SPPL3: variants seen among roughly 807,000 people sequenced by gnomAD.
SPPL3 encodes signal peptide peptidase-like 3.
A neutral mutation model predicts 42.4 loss-of-function variants in SPPL3; 5 were observed. The observed-to-expected ratio is 0.12, with a 90% CI of 0.06 to 0.25. The LOEUF (loss-of-function observed/expected upper bound fraction) is 0.25, where lower values mean the gene tolerates loss of function less well. Among genes scored for constraint, SPPL3 ranks in the 10% least tolerant of loss-of-function variants. The pLI is 1.00. For synonymous variants in SPPL3, 195 were observed against 181.8 expected, an observed-to-expected ratio of 1.07 and a Z score of -0.58; for missense variants, 235 against 489.0, an observed-to-expected ratio of 0.48 and a Z score of 4.90.
chr12:120,901,865 G>A (rs1873995643), intron 1 of SPPL3: 1 of 984,200 alleles, frequency 1.0e-6, no homozygotes, highest in Non-Finnish European at 1.2e-6. Context: ...GAGGTCGTGT[G>A]TGTCCAACCT....
intron 1 of SPPL3, among the ~76,000 whole-genome samples, chr12:120,823,564 G>A (rs1352805732): frequency 6.6e-6 from 1 of 152,112 alleles, no homozygotes. Flanking sequence ...CTCTGGCTCC[G>A]TATTTTCTCC....
Position 120,903,946 on chromosome 12 carries a change from G to A in SPPL3, c.-79C>T, listed in dbSNP as rs1874072928. On this transcript the variant is annotated 5_prime_UTR_variant, in exon 1 of 11. Coordinates refer to ENST00000353487, the MANE Select transcript of SPPL3 (RefSeq NM_139015.5). ...GGGCTCGCTCGGGCCGTAGCTGAAG[G>A]CGCGGCCGGGGTCCGGTGCTTGCTT... The A allele has an allele frequency of 5.7e-6, 7 of 1,219,558 alleles. No individual in the cohort carries two copies. The highest frequency in any genetic ancestry group is 6.3e-6 in the Non-Finnish European group (6 of 958,950). 75.5% of individuals were successfully genotyped at this position (1,219,558 alleles called of 1,614,324 possible). A position where few individuals can be genotyped will look rare whatever the true frequency, so the allele number is the denominator to read the frequency against.
Position 120,817,471 on chromosome 12 carries a change from C to T in SPPL3, c.24-6585G>A, listed in dbSNP as rs1193059711. On this transcript the variant is annotated intron_variant, in intron 1 of 10. Transcript: ENST00000353487. ...TTGGTATTTTCCTCTTTTAATCACC[C>T]AATATTTACAGATTTAAAAATGGCT... Among the ~76,000 whole-genome samples the T allele has an allele frequency of 2.0e-5, 3 of 152,108 alleles. No homozygotes were observed. The East Asian group carries it at 5.8e-4, about 29-fold the overall frequency.
At chr12:120,900,439 T>C (rs1437515211) in intron 1 of SPPL3, among the ~76,000 whole-genome samples, 2 of 150,620 alleles carry the variant, frequency 1.3e-5, no homozygotes, top group African/African-American at 2.4e-5. Context: ...CGAAACACAA[T>C]ACAAAAAATG....
At chr12:120,811,129 A>G (rs550315177) in intron 1 of SPPL3, 13 of 345,230 alleles carry the variant, frequency 3.8e-5, no homozygotes, top group African/African-American at 1.5e-4. Context: ...AATGACATCA[A>G]TGTAAAAATC....
chr12:120,891,914 A>G (rs1873655885), intron 1 of SPPL3, among the ~76,000 whole-genome samples: 1 of 152,178 alleles, frequency 6.6e-6, no homozygotes, highest in Non-Finnish European at 1.5e-5. Context: ...TGAATGAAGA[A>G]GAGCGCTCTA....
intron 1 of SPPL3, among the ~76,000 whole-genome samples, chr12:120,836,682 G>A (rs931806887): frequency 1.3e-5 from 2 of 152,192 alleles, no homozygotes; most frequent in South Asian, 2.1e-4. Flanking sequence ...AGAATGGAGG[G>A]TTAGCACCGG....
chr12:120,890,461 C>T (rs1404276695), intron 1 of SPPL3, among the ~76,000 whole-genome samples: 7 of 151,358 alleles, frequency 4.6e-5, no homozygotes, highest in East Asian at 2.0e-4. Flanking sequence ...TGGTGGCAGG[C>T]GCCTATAGTC....
At position 120,791,577 on chromosome 12, in the gene SPPL3, A is replaced by C; in HGVS notation, c.102-20T>G. The C allele has an allele frequency of 6.5e-7, 1 of 1,548,548 alleles. No homozygotes were observed. Among genetic ancestry groups the C allele is most frequent in the East Asian group, 2.3e-5 (1 of 44,408 alleles). ...AGGGACCTGTGGAAAAAAATTTTGT[A>C]GTTAAGTTGTAGTTTTGCTTACAAA... On this transcript the variant is annotated intron_variant, in intron 2 of 10. Transcript: ENST00000353487.
chr12:120,806,970 C>T (rs934747294), intron 2 of SPPL3, among the ~76,000 whole-genome samples: 2 of 151,998 alleles, frequency 1.3e-5, no homozygotes, highest in East Asian at 1.9e-4. Context: ...ATCCATAAAA[C>T]GTGAAATTGG....
chr12:120,881,529 C>T (rs564431392), intron 1 of SPPL3, among the ~76,000 whole-genome samples: 1 of 139,960 alleles, frequency 7.1e-6, no homozygotes, highest in African/African-American at 2.7e-5. Context: ...AATTGCCATA[C>T]GAGATTGAGC....
chr12:120,773,894 G>A (rs1025263544), intron 6 of SPPL3, among the ~76,000 whole-genome samples: 8 of 152,164 alleles, frequency 5.3e-5, no homozygotes, highest in African/African-American at 1.2e-4. Flanking sequence ...ATGGGCCGCC[G>A]CGTCTGGCCC....
In SPPL3 at chr12:120,763,096, A is replaced by G. The variant is rs1868729339; in HGVS notation, c.*1903T>C. ...GAAGCTTCAGTTCTTTGATGTATCTATGACTGGGCCAGAGCTGCAGATGAC... is the reference window on the plus strand; with the variant it reads ...GAAGCTTCAGTTCTTTGATGTATCTGTGACTGGGCCAGAGCTGCAGATGAC... On this transcript the variant is annotated 3_prime_UTR_variant, in exon 11 of 11. Transcript: ENST00000353487. 1 of 152,226 alleles carries G rather than the reference A, an allele frequency of 6.6e-6. No homozygotes were observed. The highest frequency in any genetic ancestry group is 2.4e-5 in the African/African-American group (1 of 41,448). 9.4% of individuals were successfully genotyped at this position (152,226 alleles called of 1,614,324 possible).
chr12:120,901,127 A>G (rs1159618295), intron 1 of SPPL3, among the ~76,000 whole-genome samples: 1 of 152,150 alleles, frequency 6.6e-6, no homozygotes, highest in East Asian at 1.9e-4. Context: ...ATCACAAGTG[A>G]AGTACTTTAA....
chr12:120,898,314 T>TTTATA (rs1873874591), intron 1 of SPPL3, among the ~76,000 whole-genome samples: 1 of 64,270 alleles, frequency 1.6e-5, no homozygotes, highest in Non-Finnish European at 2.9e-5. Flanking sequence ...TTTTTTTTTT[T>TTTATA]AAAAAAAAAA....
intron 1 of SPPL3, among the ~76,000 whole-genome samples, chr12:120,817,577 T>C (rs1190111939): frequency 6.6e-6 from 1 of 152,156 alleles, no homozygotes; most frequent in Non-Finnish European, 1.5e-5. Context: ...CTCTGGTTCG[T>C]TTATTCAACC....
At chr12:120,867,622 T>C (rs1460970854) in intron 1 of SPPL3, among the ~76,000 whole-genome samples, 1 of 149,074 alleles carries the variant, frequency 6.7e-6, no homozygotes, top group Non-Finnish European at 1.5e-5. Context: ...CCAAGATCAC[T>C]CCAGCCTGGC....
At chr12:120,878,571 T>C (rs777999309) in intron 1 of SPPL3, among the ~76,000 whole-genome samples, 1 of 152,178 alleles carries the variant, frequency 6.6e-6, no homozygotes, top group Non-Finnish European at 1.5e-5. Context: ...ATTTAAATAA[T>C]ACGCCCATAA....
chr12:120,852,699 T>TATATTTCATATA (rs1566060802), intron 1 of SPPL3, among the ~76,000 whole-genome samples: 2 of 19,812 alleles, frequency 1.0e-4, no homozygotes, highest in Admixed American at 1.1e-3. Flanking sequence ...ATATACATAT[T>TATATTTCATATA]TTACATATAT....
Sources: gnomAD v4.1 joint callset for allele counts (sites outside exome capture counted in the v4.1 genomes callset) on GRCh38, gnomAD v4.1.1 for gene constraint, MANE v1.5 for transcripts, NCBI Gene and HGNC (gene_info 2026-07-23, HGNC 2026-07-21) for gene names.